Variants in ABHD2 observed in about 807,000 individuals in gnomAD.
ABHD2 encodes the protein abhydrolase domain containing 2, acylglycerol lipase, also known as monoacylglycerol lipase ABHD2.
Under a neutral mutation model 48.1 loss-of-function variants are expected in ABHD2, and 20 were observed. The ratio of observed to expected loss-of-function variants is 0.42; its 90% confidence interval spans 0.29 to 0.60. ABHD2 has a LOEUF of 0.60. Among genes scored for constraint, ABHD2 ranks in the 20% least tolerant of loss-of-function variants. The probability of loss-of-function intolerance (pLI) is 0.24; values close to 1 mark genes in which losing one functional copy is unlikely to be tolerated. For missense variants in ABHD2, 405 were observed against 550.9 expected, an observed-to-expected ratio of 0.74 and a Z score of 2.65; for synonymous variants, 209 against 214.2, an observed-to-expected ratio of 0.98 and a Z score of 0.21.
the ABHD2 span, among the ~76,000 whole-genome samples, chr15:89,044,550 T>C: frequency 5.3e-5 from 8 of 151,784 alleles, no homozygotes; most frequent in African/African-American, 1.5e-4. Context: ...TTTCTCCACA[T>C]CCTCTCCAGC....
At chr15:89,133,480 CA>C (rs1398804812) in intron 3 of ABHD2, among the ~76,000 whole-genome samples, 7 of 152,212 alleles carry the variant, frequency 4.6e-5, no homozygotes, top group African/African-American at 1.7e-4. Context: ...TCCACACCAG[CA>C]CTGTGAGCAC....
intron 3 of ABHD2, among the ~76,000 whole-genome samples, chr15:89,131,241 A>G (rs138360364): frequency 4.3e-4 from 66 of 152,284 alleles, no homozygotes; most frequent in South Asian, 2.9e-3. Context: ...CTTGTGTTCT[A>G]GACACATCAG....
chr15:89,073,917 C>T, the ABHD2 span, among the ~76,000 whole-genome samples: 1 of 152,190 alleles, frequency 6.6e-6, no homozygotes, highest in African/African-American at 2.4e-5. Context: ...GTTAGAAAAG[C>T]TCCCAGGTGT....
In ABHD2 at chr15:89,176,849, A is replaced by G. The variant is rs2051022090; in HGVS notation, c.722+854A>G. ...AAAGTTTAAAAACACCTCCCTATTG[A>G]TCCAGTCTAATGCCAAACAGTCCTT... On this transcript the variant is annotated intron_variant, in intron 6 of 10. Coordinates refer to ENST00000352732, the MANE Select transcript of ABHD2 (RefSeq NM_152924.5). The surrounding 1 kb of genome is among the most constrained non-coding windows in gnomAD (Gnocchi z 4.5). 6.6e-6 allele frequency among the ~76,000 whole-genome samples: 1 copy of G among 152,200 alleles called. No homozygotes were observed. The highest frequency in any genetic ancestry group is 2.4e-5 in the African/African-American group (1 of 41,442).
rs1437482110 is a variant in ABHD2 at position 89,197,638 on chromosome 15, C to T, written c.*2215C>T. The T allele has an allele frequency of 6.6e-6, 1 of 152,242 alleles. No homozygotes were observed. The highest frequency in any genetic ancestry group is 6.5e-5 in the Admixed American group (1 of 15,282). 9.4% of individuals were successfully genotyped at this position (152,242 alleles called of 1,614,324 possible). Reference sequence around the variant, plus strand: ...ATAGTGGCTGGCCCATGTACCAGCTCCATTCAGAAATTCAGGAAGAGAAAA... The same window carrying T: ...ATAGTGGCTGGCCCATGTACCAGCTTCATTCAGAAATTCAGGAAGAGAAAA... On this transcript the variant is annotated 3_prime_UTR_variant, in exon 11 of 11. Coordinates refer to ENST00000352732, the MANE Select transcript of ABHD2 (RefSeq NM_152924.5). The surrounding 1 kb of genome is among the most constrained non-coding windows in gnomAD (Gnocchi z 4.4).
At chr15:89,060,721 G>C in the ABHD2 span, among the ~76,000 whole-genome samples, 1 of 151,998 alleles carries the variant, frequency 6.6e-6, no homozygotes, top group Admixed American at 6.6e-5. Flanking sequence ...GTTCACTGTG[G>C]AACACTTGAA....
At chr15:89,165,622 T>C (rs1386983150) in intron 5 of ABHD2, among the ~76,000 whole-genome samples, 1 of 152,136 alleles carries the variant, frequency 6.6e-6, no homozygotes, top group Non-Finnish European at 1.5e-5. Context: ...TAGGGTACTC[T>C]ACTGGGTCAG....
At chr15:89,051,281 C>T in the ABHD2 span, among the ~76,000 whole-genome samples, 1 of 152,128 alleles carries the variant, frequency 6.6e-6, no homozygotes, top group Non-Finnish European at 1.5e-5. Flanking sequence ...GAGCCTGGCA[C>T]ATAGTAGATG....
chr15:89,063,457 A>G, the ABHD2 span, among the ~76,000 whole-genome samples: 1 of 152,060 alleles, frequency 6.6e-6, no homozygotes, highest in South Asian at 2.1e-4. Context: ...TGACATATTA[A>G]TATAAGTCCT....
chr15:89,121,759 C>G (rs1014741741), intron 3 of ABHD2, among the ~76,000 whole-genome samples: 3 of 152,144 alleles, frequency 2.0e-5, no homozygotes, highest in African/African-American at 7.2e-5. Flanking sequence ...TGTTGTTTCC[C>G]CACTATCCCA....
At chr15:89,103,550 T>C (rs752578462) in intron 1 of ABHD2, among the ~76,000 whole-genome samples, 1 of 152,210 alleles carries the variant, frequency 6.6e-6, no homozygotes, top group Non-Finnish European at 1.5e-5. Flanking sequence ...TTATATCACA[T>C]GGACTCTTAA....
At chr15:89,072,044 G>A in the ABHD2 span, among the ~76,000 whole-genome samples, 1 of 152,076 alleles carries the variant, frequency 6.6e-6, no homozygotes, top group South Asian at 2.1e-4. Flanking sequence ...CACCCAAGCT[G>A]TAAGAGTCAT....
At chr15:89,044,368 G>A in the ABHD2 span, among the ~76,000 whole-genome samples, 1 of 152,146 alleles carries the variant, frequency 6.6e-6, no homozygotes, top group Non-Finnish European at 1.5e-5. Context: ...AAACATAGGT[G>A]TGCATGTGTC....
intron 5 of ABHD2, among the ~76,000 whole-genome samples, chr15:89,157,152 T>C (rs1158490103): frequency 1.3e-5 from 2 of 152,346 alleles, no homozygotes; most frequent in African/African-American, 2.4e-5. Context: ...GTAGGACATA[T>C]GAATTATTTA....
the ABHD2 span, among the ~76,000 whole-genome samples, chr15:89,042,401 A>G: frequency 3.3e-5 from 5 of 152,202 alleles, no homozygotes; most frequent in Admixed American, 6.5e-5. Context: ...ATTGAAGCAC[A>G]TGCTCCAAGT....
intron 3 of ABHD2, among the ~76,000 whole-genome samples, chr15:89,139,351 C>T (rs1345721847): frequency 6.6e-6 from 1 of 152,178 alleles, no homozygotes; most frequent in African/African-American, 2.4e-5. Context: ...TTCTCAGCCT[C>T]ATGATTGTCT....
intron 9 of ABHD2, among the ~76,000 whole-genome samples, chr15:89,193,003 G>A (rs1255213395): frequency 1.3e-5 from 2 of 152,160 alleles, no homozygotes; most frequent in Non-Finnish European, 1.5e-5. Context: ...TGATTATCAG[G>A]AAGCTTTCTT....
At chr15:89,123,004 C>A (rs2050076079) in intron 3 of ABHD2, among the ~76,000 whole-genome samples, 2 of 152,324 alleles carry the variant, frequency 1.3e-5, no homozygotes, top group East Asian at 1.9e-4. Context: ...TATGTGGGTA[C>A]TTTCTTCCCC....
At chr15:89,067,905 A>G in the ABHD2 span, among the ~76,000 whole-genome samples, 1 of 152,200 alleles carries the variant, frequency 6.6e-6, no homozygotes, top group African/African-American at 2.4e-5. Flanking sequence ...CTGTGTAATG[A>G]ATGAACTCAT....
Sources: allele counts gnomAD v4.1 joint callset (sites outside exome capture counted in the v4.1 genomes callset), GRCh38; gene constraint gnomAD v4.1.1; non-coding constraint Gnocchi (gnomAD v3.1); transcripts MANE v1.5; gene names NCBI Gene and HGNC (gene_info 2026-07-23, HGNC 2026-07-21).